The following STAT4 variants were observed in gnomAD, a reference collection of about 807,000 sequenced individuals.
The protein encoded by STAT4 is signal transducer and activator of transcription 4.
A neutral mutation model predicts 110.5 loss-of-function variants in STAT4; 42 were observed. The ratio of observed to expected loss-of-function variants is 0.38; its 90% CI spans 0.30 to 0.49. The LOEUF is 0.49. STAT4 is among the 20% of genes least tolerant of loss of function. The probability of loss-of-function intolerance (pLI) is 0.95; values close to 1 mark genes in which losing one functional copy is unlikely to be tolerated. For synonymous variants in STAT4, 284 were observed against 302.2 expected, an observed-to-expected ratio of 0.94 and a Z score of 0.63; for missense variants, 632 against 887.9, an observed-to-expected ratio of 0.71 and a Z score of 3.66.
rs527837181 is a variant in STAT4 at position 191,102,306 on chromosome 2, G to A, written c.274-25981C>T. On this transcript the variant is annotated intron_variant, in intron 3 of 23. Transcript: ENST00000392320. The stretch of plus-strand genomic sequence containing the variant: ...GCTATATTTAATTTAGTTTTACTTC[G>A]TCATTTGTTTTATTATTATTGTCTT... Among the ~76,000 whole-genome samples the A allele has an allele frequency of 1.3e-4, 20 of 152,034 alleles. 1 individual carries two copies. Among genetic ancestry groups the A allele is most frequent in the African/African-American group, 3.4e-4 (14 of 41,500 alleles).
intron 3 of STAT4, among the ~76,000 whole-genome samples, chr2:191,124,765 CTT>C (rs1698833088): frequency 1.3e-5 from 2 of 152,324 alleles, no homozygotes; most frequent in South Asian, 4.1e-4. Context: ...TTATTTTTCA[CTT>C]TCTCACATTT....
chr2:191,141,460 C>T (rs1238825683), intron 3 of STAT4, among the ~76,000 whole-genome samples: 1 of 138,802 alleles, frequency 7.2e-6, no homozygotes, highest in African/African-American at 2.7e-5. Context: ...CACATATATA[C>T]ATATGTATAT....
intron 17 of STAT4, 134 bp from the exon 18 acceptor site, chr2:191,034,731 T>G (rs1357121422): frequency 1.5e-6 from 1 of 678,758 alleles, no homozygotes; most frequent in African/African-American, 1.8e-5. Flanking sequence ...ATGTACTGAG[T>G]GCTAGGTACA....
At position 191,043,634 on chromosome 2, in the gene STAT4, T is replaced by C. The variant is rs749358157; in HGVS notation, c.1252-2486A>G. 7.3e-5 allele frequency among the ~76,000 whole-genome samples: 11 copies of C among 151,164 alleles called. No homozygotes were observed. The highest frequency in any genetic ancestry group is 2.0e-4 in the Admixed American group (3 of 15,182). On this transcript the variant is annotated intron_variant, in intron 14 of 23. Transcript: ENST00000392320. The surrounding 1 kb of genome is among the most constrained non-coding windows in gnomAD (Gnocchi z 4.8). The stretch of plus-strand genomic sequence containing the variant: ...TTGCACTCATTAAAAAAAAAAGACA[T>C]GTAGAAGAATGTTAATTGAAGAATG...
rs1699160309 is a variant in STAT4, at chr2:191,135,659, G to T, written c.273+10954C>A. On this transcript the variant is annotated intron_variant, in intron 3 of 23. Transcript: ENST00000392320. The surrounding 1 kb of genome is among the most constrained non-coding windows in gnomAD (Gnocchi z 4.8). ...TTTTTTGTATTTTTAGTAGAGACAG[G>T]GTTTCACCATGTTGGCTGCACTGGT... Among the ~76,000 whole-genome samples, 1 of 152,022 alleles carries T rather than the reference G, an allele frequency of 6.6e-6. No individual in the cohort carries two copies. The highest frequency in any genetic ancestry group is 2.4e-5 in the African/African-American group (1 of 41,390).
Position 191,077,368 on chromosome 2 carries a change from C to T in STAT4, c.274-1043G>A, listed in dbSNP as rs1293454991. Among the ~76,000 whole-genome samples the T allele has an allele frequency of 6.6e-6, 1 of 152,188 alleles. No individual in the cohort carries two copies. The highest frequency in any genetic ancestry group is 2.4e-5 in the African/African-American group (1 of 41,444). ...TCTAACCTTAATGGATAGAACTAAT[C>T]TGAACAACACTATCAATTTAGTCAA... On this transcript the variant is annotated intron_variant, in intron 3 of 23. Coordinates refer to ENST00000392320, the MANE Select transcript of STAT4 (RefSeq NM_003151.4). This position sits in a 1 kb window ranked among gnomAD's most constrained non-coding sequence, Gnocchi z 4.1.
At chr2:191,114,323 A>G (rs1015458939) in intron 3 of STAT4, among the ~76,000 whole-genome samples, 1 of 152,194 alleles carries the variant, frequency 6.6e-6, no homozygotes, top group African/African-American at 2.4e-5. Flanking sequence ...TTTGTTGCAT[A>G]CATATTATTA....
At chr2:191,097,058 T>C (rs1273657173) in intron 3 of STAT4, among the ~76,000 whole-genome samples, 1 of 152,138 alleles carries the variant, frequency 6.6e-6, no homozygotes. Flanking sequence ...GAATCCAACT[T>C]ACAAGGGATG....
chr2:191,045,165 C>T (rs1316640646), intron 14 of STAT4, among the ~76,000 whole-genome samples: 3 of 152,094 alleles, frequency 2.0e-5, no homozygotes, highest in Non-Finnish European at 4.4e-5. Flanking sequence ...TCAGTATTAG[C>T]ATGATATTTA....
At chr2:191,048,078 A>T (rs1158294559) in intron 14 of STAT4, among the ~76,000 whole-genome samples, 2 of 152,230 alleles carry the variant, frequency 1.3e-5, no homozygotes, top group Non-Finnish European at 2.9e-5. Context: ...AGGGTCTTAA[A>T]AGTGTGAGAA....
chr2:191,067,118 G>T (rs1697012896), intron 6 of STAT4, among the ~76,000 whole-genome samples: 1 of 147,926 alleles, frequency 6.8e-6, no homozygotes, highest in Admixed American at 6.7e-5. Flanking sequence ...GGCCAGAGTT[G>T]TAACTTAGAA....
chr2:191,065,409 A>G (rs1277428782), intron 7 of STAT4, among the ~76,000 whole-genome samples: 1 of 152,160 alleles, frequency 6.6e-6, no homozygotes, highest in East Asian at 1.9e-4. Flanking sequence ...CATAATGGAG[A>G]ATTATAACTT....
chr2:191,054,427 G>T, intron 14 of STAT4, 63 bp downstream of exon 14: 1 of 1,369,870 alleles, frequency 7.3e-7, no homozygotes, highest in Non-Finnish European at 1.0e-6. Context: ...TAAAAGCTTT[G>T]TAAAAATAAG....
At chr2:191,111,493 T>C (rs7599504) in intron 3 of STAT4, among the ~76,000 whole-genome samples, 16,278 of 152,236 alleles carry the variant, frequency 0.11, 1,166 homozygotes, top group Middle Eastern at 0.19. Flanking sequence ...AAATGAACAC[T>C]TGATTCATGC....
rs1039886475 is a variant in STAT4 at position 191,110,197 on chromosome 2, T to G, written c.274-33872A>C. On this transcript the variant is annotated intron_variant, in intron 3 of 23. Coordinates refer to ENST00000392320, the MANE Select transcript of STAT4 (RefSeq NM_003151.4). This position sits in a 1 kb window ranked among gnomAD's most constrained non-coding sequence, Gnocchi z 4.5. ...ATTCCTCAGTCTGCACAAACATAGATTTGTGTTGATGTCAGTGCTAAGAAG... is the reference window on the plus strand; with the variant it reads ...ATTCCTCAGTCTGCACAAACATAGAGTTGTGTTGATGTCAGTGCTAAGAAG... Among the ~76,000 whole-genome samples the G allele has an allele frequency of 6.6e-6, 1 of 152,100 alleles. No homozygotes were observed. Among genetic ancestry groups the G allele is most frequent in the Admixed American group, 6.5e-5 (1 of 15,270 alleles).
At chr2:191,072,306 AC>A (rs1453544592) in intron 5 of STAT4, among the ~76,000 whole-genome samples, 1 of 152,192 alleles carries the variant, frequency 6.6e-6, no homozygotes, top group Non-Finnish European at 1.5e-5. Flanking sequence ...TAATCTACAC[AC>A]TTGCAGAGTG....
chr2:191,085,857 T>A (rs888162779), intron 3 of STAT4, among the ~76,000 whole-genome samples: 6 of 152,158 alleles, frequency 3.9e-5, no homozygotes, highest in Non-Finnish European at 7.3e-5. Flanking sequence ...TTTAAATAAT[T>A]TTATTACTTT....
chr2:191,056,157 T>A (rs1574714297), intron 13 of STAT4, among the ~76,000 whole-genome samples: 1 of 152,248 alleles, frequency 6.6e-6, no homozygotes, highest in East Asian at 1.9e-4. Context: ...ACTTTTATCA[T>A]TTTAACATTT....
intron 3 of STAT4, among the ~76,000 whole-genome samples, chr2:191,119,564 T>C (rs745649310): frequency 2.6e-5 from 4 of 152,176 alleles, no homozygotes; most frequent in Non-Finnish European, 5.9e-5. Context: ...TGTTTAAGAA[T>C]TGGAAGATTC....
Sources: allele counts gnomAD v4.1 joint callset (sites outside exome capture counted in the v4.1 genomes callset), GRCh38; gene constraint gnomAD v4.1.1; non-coding constraint Gnocchi (gnomAD v3.1); transcripts MANE v1.5; gene names NCBI Gene and HGNC (gene_info 2026-07-23, HGNC 2026-07-21).